F13A1: variants seen among roughly 807,000 people sequenced by gnomAD.
The protein encoded by F13A1 is FSF, A subunit.
F13A1 carries 47 observed loss-of-function variants against 80.1 expected under a neutral mutation model. The observed-to-expected ratio is 0.59, with a 90% CI of 0.46 to 0.75. F13A1 has a LOEUF of 0.75. Among genes scored for constraint, F13A1 ranks in the 30% least tolerant of loss-of-function variants. The probability of loss-of-function intolerance (pLI) is 0.00; values close to 1 mark genes in which losing one functional copy is unlikely to be tolerated. For synonymous variants in F13A1, 349 were observed against 344.9 expected, an observed-to-expected ratio of 1.01 and a Z score of -0.13; for missense variants, 817 against 930.4, an observed-to-expected ratio of 0.88 and a Z score of 1.59.
At chr6:6,314,983 T>G (rs1338778956) in intron 2 of F13A1, among the ~76,000 whole-genome samples, 3 of 152,228 alleles carry the variant, frequency 2.0e-5, no homozygotes, top group African/African-American at 4.8e-5. Flanking sequence ...ATGGAGGAGA[T>G]TCTTAGAAAG....
At chr6:6,245,185 T>C (rs1458648145) in intron 6 of F13A1, among the ~76,000 whole-genome samples, 1 of 152,200 alleles carries the variant, frequency 6.6e-6, no homozygotes, top group African/African-American at 2.4e-5. Context: ...CAAGGTCACA[T>C]ACAATAAATA....
chr6:6,221,494 G>C (rs80163256), intron 8 of F13A1, among the ~76,000 whole-genome samples: 1 of 152,168 alleles, frequency 6.6e-6, no homozygotes, highest in Non-Finnish European at 1.5e-5. Context: ...AAGCATTTGG[G>C]TTTATTCCCA....
chr6:6,185,129 C>CT (rs113575772), intron 10 of F13A1, among the ~76,000 whole-genome samples: 42,099 of 146,580 alleles, frequency 0.29, 6,520 homozygotes, highest in Non-Finnish European at 0.37. Flanking sequence ...GAATCTCTCT[C>CT]TTTTTTTTTT....
intron 13 of F13A1, among the ~76,000 whole-genome samples, chr6:6,153,613 A>G (rs553941550): frequency 6.6e-6 from 1 of 152,274 alleles, no homozygotes; most frequent in East Asian, 1.9e-4. Context: ...GAACTAGGAG[A>G]GGGGCAGACG....
chr6:6,267,550 C>A (rs577861584), intron 3 of F13A1, among the ~76,000 whole-genome samples: 7 of 152,330 alleles, frequency 4.6e-5, no homozygotes, highest in African/African-American at 1.4e-4. Flanking sequence ...GAACCCCTTT[C>A]ACTGTTGACG....
At chr6:6,269,791 G>T (rs547279366) in intron 3 of F13A1, among the ~76,000 whole-genome samples, 123 of 152,016 alleles carry the variant, frequency 8.1e-4, no homozygotes, top group African/African-American at 2.9e-3. Flanking sequence ...TTGGCTCACT[G>T]CAAGCTCTGC....
At position 6,312,688 on chromosome 6, in the gene F13A1, CAA is replaced by C. The variant is rs546263137; in HGVS notation, c.130+5845_130+5846del. Among the ~76,000 whole-genome samples the C allele has an allele frequency of 2.2e-3, 324 of 149,884 alleles. 2 individuals carry two copies. The highest frequency in any genetic ancestry group is 7.3e-3 in the African/African-American group (296 of 40,500). On this transcript the variant is annotated intron_variant, in intron 2 of 14. Coordinates refer to ENST00000264870, the MANE Select transcript of F13A1 (RefSeq NM_000129.4). The stretch of plus-strand genomic sequence containing the variant: ...GCAAGACTCCGTCTCAAAACAAAAA[CAA>C]AAAAAGTCTGTCTTAAAATGATTTA...
intron 6 of F13A1, among the ~76,000 whole-genome samples, chr6:6,246,441 G>A (rs1184209473): frequency 6.6e-6 from 1 of 152,128 alleles, no homozygotes; most frequent in Non-Finnish European, 1.5e-5. Context: ...TGACGGAAAT[G>A]GAAATATTGC....
intron 7 of F13A1, 122 bp from the exon 8 acceptor site, chr6:6,222,293 T>C: frequency 1.5e-6 from 2 of 1,311,454 alleles, no homozygotes; most frequent in Non-Finnish European, 2.2e-6. Flanking sequence ...TTGGACATGT[T>C]ATTCTCAAAT....
intron 13 of F13A1, among the ~76,000 whole-genome samples, chr6:6,159,014 G>A (rs902303900): frequency 1.1e-4 from 16 of 150,616 alleles, no homozygotes; most frequent in Non-Finnish European, 2.4e-4. Flanking sequence ...CCATTCTCCT[G>A]CCTCAGCCTC....
At chr6:6,201,271 C>T (rs1427229413) in intron 8 of F13A1, among the ~76,000 whole-genome samples, 2 of 152,238 alleles carry the variant, frequency 1.3e-5, no homozygotes, top group African/African-American at 4.8e-5. Context: ...AGTTTCTTTT[C>T]TCTCACTCTG....
At chr6:6,157,539 A>T (rs1760497807) in intron 13 of F13A1, among the ~76,000 whole-genome samples, 1 of 152,184 alleles carries the variant, frequency 6.6e-6, no homozygotes. Flanking sequence ...GAGGACGAGG[A>T]TTATAAGTTG....
At chr6:6,298,655 A>T (rs1758369876) in intron 3 of F13A1, among the ~76,000 whole-genome samples, 2 of 149,360 alleles carry the variant, frequency 1.3e-5, no homozygotes, top group Non-Finnish European at 2.9e-5. Context: ...TGCATGTGAG[A>T]TGGGTTTCCT....
chr6:6,210,324 G>GATTATATATATATATATATATATATAT (rs1554100764), intron 8 of F13A1, among the ~76,000 whole-genome samples: 2 of 82,906 alleles, frequency 2.4e-5, no homozygotes, highest in African/African-American at 1.0e-4. Context: ...TGTAGCATGT[G>GATTATATATATATATATATATATATAT]ATATATATAT....
At chr6:6,258,299 C>A (rs1045250229) in intron 4 of F13A1, among the ~76,000 whole-genome samples, 2 of 152,150 alleles carry the variant, frequency 1.3e-5, no homozygotes, top group African/African-American at 4.8e-5. Flanking sequence ...CGTCTCCTTG[C>A]CTCTCAGAAT....
At chr6:6,252,379 A>T (rs562411181) in intron 4 of F13A1, among the ~76,000 whole-genome samples, 71 of 152,326 alleles carry the variant, frequency 4.7e-4, no homozygotes, top group African/African-American at 1.7e-3. Context: ...ACACAAACAC[A>T]CATAAACACA....
intron 3 of F13A1, among the ~76,000 whole-genome samples, chr6:6,284,462 CCT>C (rs1758108198): frequency 6.6e-6 from 1 of 152,186 alleles, no homozygotes; most frequent in Non-Finnish European, 1.5e-5. Context: ...AGGGTTTCTT[CCT>C]CTTTTTGTAA....
intron 11 of F13A1, among the ~76,000 whole-genome samples, chr6:6,176,470 T>C (rs1439726886): frequency 6.6e-6 from 1 of 152,202 alleles, no homozygotes; most frequent in African/African-American, 2.4e-5. Flanking sequence ...GAAGTAGATA[T>C]ATAATAAATG....
rs1038616653 is a variant in F13A1 at position 6,221,981 on chromosome 6, G to C, written c.1112+52C>G. ...ATTGAGTCTATCTTGTGGTAAATGT[G>C]TAACATTACTATAATGTGACATCAG... On this transcript the variant is annotated intron_variant, in intron 8 of 14. Transcript: ENST00000264870. 3 of 1,599,568 alleles carry C rather than the reference G, an allele frequency of 1.9e-6. No homozygotes were observed. In the African/African-American group the frequency reaches 4.0e-5, roughly 21 times the overall value.
Sources: gnomAD v4.1 joint callset for allele counts (sites outside exome capture counted in the v4.1 genomes callset) on GRCh38, gnomAD v4.1.1 for gene constraint, MANE v1.5 for transcripts, NCBI Gene and HGNC (gene_info 2026-07-23, HGNC 2026-07-21) for gene names.